Variants in CSMD1 observed in about 807,000 individuals in gnomAD.
CSMD1 encodes CUB and Sushi multiple domains 1, also known as CUB and sushi domain-containing protein 1.
In CSMD1, 213 loss-of-function variants were observed where a neutral mutation model predicts 417.5. That is an observed-to-expected ratio of 0.51 (90% CI 0.46 to 0.57). The LOEUF is 0.57. Ranked by LOEUF, CSMD1 falls within the 20% of genes least tolerant of loss-of-function variation. The pLI, the probability that CSMD1 is intolerant of heterozygous loss-of-function variation, is 0.00. For missense variants in CSMD1, 6,923 were observed against 4,529.7 expected, an observed-to-expected ratio of 1.53 and a Z score of -15.17; for synonymous variants, 2,862 against 1,736.8, an observed-to-expected ratio of 1.65 and a Z score of -16.11.
At chr8:4,293,013 G>T (rs1344244626) in intron 3 of CSMD1, among the ~76,000 whole-genome samples, 1 of 152,208 alleles carries the variant, frequency 6.6e-6, no homozygotes, top group Non-Finnish European at 1.5e-5. Flanking sequence ...AGGGGCAAGG[G>T]AGGGAAAGTG....
At chr8:3,850,329 C>A (rs533483651) in intron 5 of CSMD1, among the ~76,000 whole-genome samples, 4 of 147,766 alleles carry the variant, frequency 2.7e-5, no homozygotes, top group African/African-American at 7.3e-5. Flanking sequence ...TAGGGTCTCA[C>A]CCCTGACTCT....
chr8:3,869,675 G>A (rs989689629), intron 5 of CSMD1, among the ~76,000 whole-genome samples: 1 of 152,078 alleles, frequency 6.6e-6, no homozygotes, highest in South Asian at 2.1e-4. Context: ...CAGGAGGAAA[G>A]GTGCACAGGT....
chr8:4,209,366 A>C (rs1800166625), intron 3 of CSMD1, among the ~76,000 whole-genome samples: 1 of 152,144 alleles, frequency 6.6e-6, no homozygotes. Flanking sequence ...AAGGACACAT[A>C]GATTCCCATC....
At chr8:3,228,566 C>T (rs1345389684) in intron 27 of CSMD1, among the ~76,000 whole-genome samples, 2 of 152,026 alleles carry the variant, frequency 1.3e-5, no homozygotes, top group African/African-American at 4.8e-5. Flanking sequence ...CCTTTTGGTG[C>T]GTATTGGACT....
At chr8:3,569,755 T>C (rs901776608) in intron 10 of CSMD1, among the ~76,000 whole-genome samples, 1 of 152,216 alleles carries the variant, frequency 6.6e-6, no homozygotes, top group East Asian at 1.9e-4. Flanking sequence ...TTATACTTAA[T>C]GGCAATGGCT....
intron 5 of CSMD1, among the ~76,000 whole-genome samples, chr8:3,895,601 G>A (rs1172848297): frequency 6.6e-6 from 1 of 152,208 alleles, no homozygotes; most frequent in South Asian, 2.1e-4. Context: ...GCCCATATAT[G>A]TACCATTTAG....
Position 3,652,023 on chromosome 8 carries a change from G to C in CSMD1, c.1010-35226C>G, listed in dbSNP as rs956306350. 8.5e-5 allele frequency among the ~76,000 whole-genome samples: 12 copies of C among 140,764 alleles called. 1 individual carries two copies. Among genetic ancestry groups the C allele is most frequent in the African/African-American group, 2.7e-4 (10 of 36,880 alleles). The allele number at this position is 140,764 out of a possible 152,430, so 92.3% of individuals were successfully genotyped here. A position where few individuals can be genotyped will look rare whatever the true frequency, so the allele number is the denominator to read the frequency against. On this transcript the variant is annotated intron_variant, in intron 7 of 69. Transcript: ENST00000635120. Reference sequence around the variant, plus strand: ...ACCATCAGTGCGCTTACCACCATCAGAGCACTTACTACCATCACAGCACCC... The same window carrying C: ...ACCATCAGTGCGCTTACCACCATCACAGCACTTACTACCATCACAGCACCC...
At chr8:3,642,635 G>A (rs1456121656) in intron 7 of CSMD1, among the ~76,000 whole-genome samples, 1 of 152,174 alleles carries the variant, frequency 6.6e-6, no homozygotes, top group Non-Finnish European at 1.5e-5. Flanking sequence ...GAAGTAGGCA[G>A]GTTAACGGAC....
intron 3 of CSMD1, among the ~76,000 whole-genome samples, chr8:4,149,225 A>G (rs546629622): frequency 1.3e-5 from 2 of 152,244 alleles, no homozygotes; most frequent in South Asian, 4.1e-4. Flanking sequence ...CGGCCTCCCA[A>G]ACTGCTGAGA....
intron 3 of CSMD1, among the ~76,000 whole-genome samples, chr8:4,406,164 T>G (rs1198016342): frequency 1.3e-5 from 2 of 152,162 alleles, no homozygotes; most frequent in Non-Finnish European, 2.9e-5. Context: ...ACATTAGAAT[T>G]TAGATATGCT....
At chr8:3,275,055 C>T (rs116531089) in intron 26 of CSMD1, among the ~76,000 whole-genome samples, 3,775 of 152,122 alleles carry the variant, frequency 0.025, 161 homozygotes, top group African/African-American at 0.085. Context: ...ATGATTTTGC[C>T]GTGCCTGGTA....
chr8:4,753,189 G>C (rs1295572362), intron 1 of CSMD1, among the ~76,000 whole-genome samples: 10 of 152,088 alleles, frequency 6.6e-5, no homozygotes, highest in Admixed American at 6.6e-4. Context: ...AATGGAGACA[G>C]GAGTAAGGCC....
At chr8:4,048,475 C>G (rs1045877806) in intron 3 of CSMD1, among the ~76,000 whole-genome samples, 1 of 152,168 alleles carries the variant, frequency 6.6e-6, no homozygotes, top group African/African-American at 2.4e-5. Flanking sequence ...CTACTATTAT[C>G]CCCATTTTAA....
chr8:3,258,919 C>G (rs1800853933), intron 26 of CSMD1, among the ~76,000 whole-genome samples: 1 of 152,100 alleles, frequency 6.6e-6, no homozygotes, highest in Admixed American at 6.5e-5. Context: ...TAAAGGGGAA[C>G]AATAGACACT....
At chr8:3,282,347 C>A (rs1286254187) in intron 26 of CSMD1, among the ~76,000 whole-genome samples, 1 of 152,054 alleles carries the variant, frequency 6.6e-6, no homozygotes, top group African/African-American at 2.4e-5. Flanking sequence ...CTCAATCTTA[C>A]TGCCAGTGCA....
At chr8:3,993,461 T>G (rs932889501) in intron 5 of CSMD1, among the ~76,000 whole-genome samples, 3 of 152,156 alleles carry the variant, frequency 2.0e-5, no homozygotes, top group Middle Eastern at 3.2e-3. Flanking sequence ...TCTTTGAAAT[T>G]CACTCAGCTT....
At chr8:4,692,724 C>T (rs956879953) in intron 1 of CSMD1, among the ~76,000 whole-genome samples, 4 of 152,302 alleles carry the variant, frequency 2.6e-5, no homozygotes, top group East Asian at 1.9e-4. Context: ...CCCCCGATAA[C>T]GTGCAAATCA....
chr8:3,445,017 C>T (rs1315779524), intron 12 of CSMD1, among the ~76,000 whole-genome samples: 4 of 152,130 alleles, frequency 2.6e-5, no homozygotes, highest in Non-Finnish European at 5.9e-5. Flanking sequence ...TATCCAGTGC[C>T]AAGTCACAGA....
intron 3 of CSMD1, among the ~76,000 whole-genome samples, chr8:4,317,302 A>G (rs946034618): frequency 3.3e-5 from 5 of 152,188 alleles, no homozygotes; most frequent in African/African-American, 1.2e-4. Context: ...TGTGATTTGT[A>G]TAAATTTCCT....
Sources: allele counts gnomAD v4.1 joint callset (sites outside exome capture counted in the v4.1 genomes callset), GRCh38; gene constraint gnomAD v4.1.1; transcripts MANE v1.5; gene names NCBI Gene and HGNC (gene_info 2026-07-23, HGNC 2026-07-21).